The following GFI1B variants were observed in gnomAD, a reference collection of about 807,000 sequenced individuals.
The protein encoded by GFI1B is zinc finger protein Gfi-1b.
Under a neutral mutation model 35.3 loss-of-function variants are expected in GFI1B, and 20 were observed. The ratio of observed to expected loss-of-function variants is 0.57; its 90% CI spans 0.40 to 0.82. The LOEUF (loss-of-function observed/expected upper bound fraction) is 0.82, where lower values mean the gene tolerates loss of function less well. GFI1B is among the 40% of genes least tolerant of loss of function. GFI1B has a pLI of 0.00. For missense variants in GFI1B, 430 were observed against 446.3 expected (o/e 0.96, Z 0.33); for synonymous variants, 178 against 177.6 (o/e 1.00, Z -0.02).
intron 1 of GFI1B, among the ~76,000 whole-genome samples, chr9:132,950,850 G>T (rs1848191718): frequency 6.6e-6 from 1 of 151,172 alleles, no homozygotes; most frequent in Non-Finnish European, 1.5e-5. Context: ...TTGTTTGTTT[G>T]TTTTTGAGAC....
chr9:132,989,672 G>T lies in GFI1B; in HGVS notation c.649-70G>T, dbSNP rs773925352. ...CCGCCCCAATGGAGTGTCCTGTTCC[G>T]CAGGGGATCCCGGCCGGGTCCAGTC... On this transcript the variant is annotated intron_variant, in intron 5 of 6. Transcript: ENST00000372122. The surrounding 1 kb of genome is among the most constrained non-coding windows in gnomAD (Gnocchi z 6.2). 1.5e-6 allele frequency: 2 copies of T among 1,332,470 alleles called. No homozygotes were observed. 82.5% of individuals were successfully genotyped at this position (1,332,470 alleles called of 1,614,324 possible).
intron 3 of GFI1B, 71 bp downstream of exon 3, chr9:132,987,490 G>A (rs1187370877): frequency 1.3e-6 from 2 of 1,576,270 alleles, no homozygotes; most frequent in South Asian, 2.2e-5. Context: ...GACTCTTGCA[G>A]CAGGGCCCCT....
At chr9:132,947,715 A>T (rs532295198) in intron 1 of GFI1B, among the ~76,000 whole-genome samples, 2 of 150,174 alleles carry the variant, frequency 1.3e-5, no homozygotes, top group South Asian at 4.4e-4. Context: ...AGGCTGAGGC[A>T]GGAGAATCAC....
At chr9:132,964,710 C>T (rs1297048525) in intron 1 of GFI1B, among the ~76,000 whole-genome samples, 3 of 150,938 alleles carry the variant, frequency 2.0e-5, no homozygotes, top group Admixed American at 6.6e-5. Flanking sequence ...ATCCTTGTAG[C>T]CAAGGATGAT....
At chr9:132,977,384 C>T (rs866853041), upstream of GFI1B, among the ~76,000 whole-genome samples, 2 of 152,186 alleles carry the variant, frequency 1.3e-5, no homozygotes, top group Non-Finnish European at 2.9e-5. Flanking sequence ...CTGGTGACCA[C>T]AGGGTTGTGT....
chr9:132,986,906 CTG>C lies in GFI1B; in HGVS notation c.100+131_100+132del, dbSNP rs1849089442. 1.0e-5 allele frequency: 7 copies of C among 679,842 alleles called. No individual in the cohort carries two copies. The Admixed American group carries it at 1.5e-4, about 15-fold the overall frequency. 42.1% of individuals were successfully genotyped at this position (679,842 alleles called of 1,614,324 possible). On this transcript the variant is annotated intron_variant, in intron 2 of 6. Transcript: ENST00000372122. ...AAGTCTGGAAACAGGAGTGCAGTAA[CTG>C]TGGGTTGCAGATGAAAGGAGTAGAC...
chr9:132,954,961 C>A (rs910183380), intron 1 of GFI1B, among the ~76,000 whole-genome samples: 3 of 152,180 alleles, frequency 2.0e-5, no homozygotes. Flanking sequence ...TCATGATCCA[C>A]CCACCTTGGC....
upstream of GFI1B, chr9:132,975,342 A>T (rs1306691412): frequency 1.3e-5 from 2 of 152,210 alleles, no homozygotes; most frequent in African/African-American, 4.8e-5. Context: ...TCCCTAATGA[A>T]CTTGGCTGCT....
At chr9:132,964,033 G>C (rs1848411108) in intron 1 of GFI1B, among the ~76,000 whole-genome samples, 1 of 152,096 alleles carries the variant, frequency 6.6e-6, no homozygotes, top group Non-Finnish European at 1.5e-5. Context: ...CTGAGGTCAG[G>C]AGTTCAAGAC....
At position 132,991,020 on chromosome 9, in the gene GFI1B, G is replaced by A; in HGVS notation, c.963G>A (p.Arg321=). The A allele has an allele frequency of 6.2e-7, 1 of 1,614,018 alleles. No individual in the cohort carries two copies. The highest frequency in any genetic ancestry group is 2.2e-5 in the East Asian group (1 of 44,888). ...TCCAGCGCAAGGTGGACCTGCGGCG[G>A]CACCGCGAGAGCCAGCACAATCTCA... ...KGFQRKVDLR[R]HRESQHNLK Residue 321 remains arginine, a synonymous_variant, in exon 7 of 7, where the codon CGG becomes CGA. Coordinates refer to ENST00000372122, the MANE Select transcript of GFI1B (RefSeq NM_001377304.1).
At chr9:132,962,508 G>T (rs1588412328) in intron 1 of GFI1B, 1 of 501,286 alleles carries the variant, frequency 2.0e-6, no homozygotes, top group South Asian at 1.5e-5. Context: ...TCTGCTTCTC[G>T]CCATGTCTTC....
chr9:132,955,338 G>A (rs539931855), intron 1 of GFI1B, among the ~76,000 whole-genome samples: 19 of 152,098 alleles, frequency 1.2e-4, no homozygotes, highest in African/African-American at 4.6e-4. Flanking sequence ...CACCCGGGAT[G>A]GAGTGCAGTG....
rs1370237253 is a variant in GFI1B at position 132,986,746 on chromosome 9, A to G, written c.68A>G (p.Asp23Gly). 1.2e-6 allele frequency: 2 copies of G among 1,612,808 alleles called. No homozygotes were observed. The highest frequency in any genetic ancestry group is 1.1e-5 in the South Asian group (1 of 90,730). ...TACCACCAGCCCCGTGTGCAGGAAG[A>G]TGAACCGCTCTGGCCTCCTGCCCTT... is the stretch of plus-strand genomic sequence containing the variant. ...HTYHQPRVQE[D>G]EPLWPPALTP... The change falls in exon 2 of 7, where the codon GAT becomes GGT. Residue 23 changes from aspartate (D) to glycine (G), a missense_variant. Asp to Gly is a moderately conservative substitution (Grantham distance 94, BLOSUM62 -1). Transcript: ENST00000372122.
At chr9:132,953,938 A>AAAATAAAT (rs927797569) in intron 1 of GFI1B, among the ~76,000 whole-genome samples, 1 of 152,150 alleles carries the variant, frequency 6.6e-6, no homozygotes, top group East Asian at 1.9e-4. Context: ...CTCCATCTCA[A>AAAATAAAT]AAATAAATAA....
intron 1 of GFI1B, among the ~76,000 whole-genome samples, chr9:132,984,567 T>C (rs1479570551): frequency 6.6e-6 from 1 of 152,138 alleles, no homozygotes; most frequent in East Asian, 1.9e-4. Context: ...ACCCCGTCCT[T>C]TGAATGCACC....
In GFI1B at chr9:132,991,081, C is replaced by G; in HGVS notation, c.*31C>G. On this transcript the variant is annotated 3_prime_UTR_variant, in exon 7 of 7. Transcript: ENST00000372122. ...CGCCGGCTCCCAGCTCCTGGCCAGCCTGCCCTGCGGTCCTGTCACCTGGAG... is the reference window on the plus strand; with the variant it reads ...CGCCGGCTCCCAGCTCCTGGCCAGCGTGCCCTGCGGTCCTGTCACCTGGAG... The G allele has an allele frequency of 6.2e-7, 1 of 1,603,678 alleles. No homozygotes were observed. Among genetic ancestry groups the G allele is most frequent in the Non-Finnish European group, 8.5e-7 (1 of 1,174,962 alleles).
Position 132,979,268 on chromosome 9 carries a change from T to A in GFI1B, c.-21+427T>A, listed in dbSNP as rs1399322574. On this transcript the variant is annotated intron_variant, in intron 1 of 6. Transcript: ENST00000372122. ...ACACTTTTTTTTTTTTTTTTTTTTT[T>A]TTTTTTGAGACAGAGTGAGACTCTG... Among the ~76,000 whole-genome samples, 109 of 142,758 alleles carry A rather than the reference T, an allele frequency of 7.6e-4. 3 individuals are homozygous for A. The highest frequency in any genetic ancestry group is 2.4e-3 in the African/African-American group (95 of 38,936). 93.7% of individuals were successfully genotyped at this position (142,758 alleles called of 152,430 possible).
At position 132,989,918 on chromosome 9, in the gene GFI1B, C is replaced by T; in HGVS notation, c.814+11C>T. ...CCTACATCCACACAGGTGAGTGAGT[C>T]TCACCTGCCTGTGCCCCCTGGGCAG... is the stretch of plus-strand genomic sequence containing the variant. On this transcript the variant is annotated intron_variant, in intron 6 of 6. Transcript: ENST00000372122. This position sits in a 1 kb window ranked among gnomAD's most constrained non-coding sequence, Gnocchi z 6.2. 3 of 1,613,066 alleles carry T rather than the reference C, an allele frequency of 1.9e-6. No homozygotes were observed. Among genetic ancestry groups the T allele is most frequent in the Non-Finnish European group, 2.5e-6 (3 of 1,179,034 alleles).
rs115377429 is a variant in GFI1B, at chr9:132,991,481, G to A, written c.*431G>A. 6.1e-3 allele frequency: 1,209 copies of A among 198,124 alleles called. 18 individuals carry two copies. Among genetic ancestry groups the A allele is most frequent in the African/African-American group, 0.026 (1,126 of 42,880 alleles). The allele number at this position is 198,124 out of a possible 1,614,324, so 12.3% of individuals were successfully genotyped here. A position where few individuals can be genotyped will look rare whatever the true frequency, so the allele number is the denominator to read the frequency against. The stretch of plus-strand genomic sequence containing the variant: ...CCTCTTTCTGGCTATAACAGGCAGA[G>A]TCGGAGCTGCCTCCCACCCCAGTCA... On this transcript the variant is annotated 3_prime_UTR_variant, in exon 7 of 7. Coordinates refer to ENST00000372122, the MANE Select transcript of GFI1B (RefSeq NM_001377304.1).
Sources: gnomAD v4.1 joint callset for allele counts (sites outside exome capture counted in the v4.1 genomes callset) on GRCh38, gnomAD v4.1.1 for gene constraint, Gnocchi (gnomAD v3.1) non-coding constraint, MANE v1.5 for transcripts, NCBI Gene and HGNC (gene_info 2026-07-23, HGNC 2026-07-21) for gene names.